NEBL: variants seen among roughly 807,000 people sequenced by gnomAD.
NEBL encodes nebulette, also known as LIM and SH3 protein 2.
In NEBL, 122 loss-of-function variants were observed where a neutral mutation model predicts 140.2. The observed-to-expected ratio is 0.87, with a 90% CI of 0.75 to 1.01. The LOEUF (loss-of-function observed/expected upper bound fraction) is 1.01. Among genes scored for constraint, NEBL ranks in the 50% least tolerant of loss-of-function variants. The pLI is 0.00. For missense variants in NEBL, 1,365 were observed against 1,231.3 expected (o/e 1.11, Z -1.62); for synonymous variants, 436 against 398.9 (o/e 1.09, Z -1.11).
intron 2 of NEBL, among the ~76,000 whole-genome samples, chr10:21,115,276 GT>G: frequency 6.6e-6 from 1 of 151,782 alleles, no homozygotes; most frequent in Non-Finnish European, 1.5e-5. Flanking sequence ...ACAGTTAATT[GT>G]TTTTTAAAGA....
intron 3 of NEBL, among the ~76,000 whole-genome samples, chr10:21,011,660 A>C (rs1025953154): frequency 7.2e-6 from 1 of 138,108 alleles, no homozygotes; most frequent in Non-Finnish European, 1.5e-5. Flanking sequence ...ATCTGTTGGC[A>C]TCTGTGGCAT....
chr10:20,822,676 A>G (rs911657559), intron 19 of NEBL, among the ~76,000 whole-genome samples: 1 of 91,372 alleles, frequency 1.1e-5, no homozygotes, highest in South Asian at 5.0e-4. Context: ...TAGAGACTAT[A>G]GATATATAGA....
chr10:20,885,477 T>G (rs1006226265), intron 4 of NEBL, among the ~76,000 whole-genome samples: 2 of 152,250 alleles, frequency 1.3e-5, no homozygotes. Context: ...TCTATTTCAG[T>G]ATAGGATAAC....
At chr10:21,044,413 A>AAT (rs1834414687) in intron 2 of NEBL, among the ~76,000 whole-genome samples, 8 of 148,042 alleles carry the variant, frequency 5.4e-5, no homozygotes, top group Non-Finnish European at 1.2e-4. Context: ...AAAAAAAAAA[A>AAT]AAAAAAAAAA....
At chr10:21,097,217 T>G (rs1471289186) in intron 2 of NEBL, among the ~76,000 whole-genome samples, 2 of 6,062 alleles carry the variant, frequency 3.3e-4, no homozygotes, top group African/African-American at 5.3e-4. Flanking sequence ...CTTTGGGAGG[T>G]CCGGGGGGGG....
At chr10:20,805,630 A>G (rs1330522011) in intron 26 of NEBL, among the ~76,000 whole-genome samples, 1 of 152,100 alleles carries the variant, frequency 6.6e-6, no homozygotes, top group Non-Finnish European at 1.5e-5. Flanking sequence ...AGGCAAGTGG[A>G]GCACTTGAGA....
intron 22 of NEBL, 31 bp from the exon 23 acceptor site, chr10:20,814,074 G>A (rs756048208): frequency 7.5e-6 from 10 of 1,325,408 alleles, no homozygotes; most frequent in Non-Finnish European, 1.1e-5. Flanking sequence ...ATAAGACAAT[G>A]ATAAGAAAAC....
At chr10:20,864,585 C>A (rs1239699856) in intron 7 of NEBL, among the ~76,000 whole-genome samples, 1 of 152,170 alleles carries the variant, frequency 6.6e-6, no homozygotes, top group Non-Finnish European at 1.5e-5. Context: ...ATTGCCTTGT[C>A]ATTGCCTTCT....
At chr10:21,288,934 TG>T (rs1295632996) in intron 1 of NEBL, among the ~76,000 whole-genome samples, 217 of 142,692 alleles carry the variant, frequency 1.5e-3, no homozygotes, top group Admixed American at 3.1e-3. Context: ...CTACAACCTC[TG>T]CCTCCCGGGT....
intron 23 of NEBL, 28 bp from the exon 24 acceptor site, chr10:20,812,968 A>G (rs1450403563): frequency 6.3e-7 from 1 of 1,593,770 alleles, no homozygotes. Context: ...ATCATACTGA[A>G]TTTTGCGGAT....
At chr10:21,197,958 C>G (rs537340201) in intron 3 of NEBL, among the ~76,000 whole-genome samples, 30 of 152,202 alleles carry the variant, frequency 2.0e-4, no homozygotes, top group Admixed American at 1.7e-3. Flanking sequence ...CCCAACTCCT[C>G]CAGGAGATGG....
Position 20,897,255 on chromosome 10 carries a change from C to G in NEBL, c.-50G>C. On this transcript the variant is annotated 5_prime_UTR_variant, in exon 1 of 28. Transcript: ENST00000377122. ...TTTTAAAATTTACTCATGTGGCGTC[C>G]TTTTCCATACCACAGTGCCCTTGAG... 1 of 1,530,906 alleles carries G rather than the reference C, an allele frequency of 6.5e-7. No individual in the cohort carries two copies. 94.8% of individuals were successfully genotyped at this position (1,530,906 alleles called of 1,614,324 possible). A position where few individuals can be genotyped will look rare whatever the true frequency, so the allele number is the denominator to read the frequency against.
chr10:21,169,257 G>A (rs4025861), intron 2 of NEBL, among the ~76,000 whole-genome samples: 17 of 150,724 alleles, frequency 1.1e-4, no homozygotes, highest in Non-Finnish European at 2.2e-4. Flanking sequence ...AAAAGTGACA[G>A]GGGAAGACGA....
In NEBL at chr10:20,785,592, C is replaced by A. The variant is rs778671074; in HGVS notation, c.*155G>T. The A allele has an allele frequency of 3.8e-4, 330 of 875,030 alleles. 2 individuals are homozygous for A. The highest frequency in any genetic ancestry group is 4.4e-4 in the Non-Finnish European group (246 of 557,118). The allele number at this position is 875,030 out of a possible 1,614,324, so 54.2% of individuals were successfully genotyped here. On this transcript the variant is annotated 3_prime_UTR_variant, in exon 28 of 28. Coordinates refer to ENST00000377122, the MANE Select transcript of NEBL (RefSeq NM_006393.3). ...ATGCTGCTGTTTTCAGCCCAGAGGT[C>A]ATTCCTTCTTCCTGGTACCTGTGTG...
At chr10:20,866,518 C>G (rs1440519975) in intron 7 of NEBL, among the ~76,000 whole-genome samples, 1 of 152,156 alleles carries the variant, frequency 6.6e-6, no homozygotes, top group Non-Finnish European at 1.5e-5. Context: ...TATCTAAACT[C>G]TTCTCAAAAT....
intron 1 of NEBL, among the ~76,000 whole-genome samples, chr10:21,252,561 G>A (rs772068279): frequency 1.3e-5 from 2 of 152,054 alleles, no homozygotes; most frequent in Non-Finnish European, 1.5e-5. Flanking sequence ...AAGATACCAC[G>A]TTTTTAAAAT....
intron 26 of NEBL, among the ~76,000 whole-genome samples, chr10:20,796,058 A>G (rs920750390): frequency 6.6e-6 from 1 of 152,160 alleles, no homozygotes; most frequent in East Asian, 1.9e-4. Context: ...TATTTGACTT[A>G]GTTGTCTCAA....
At chr10:20,790,336 G>T (rs1054469566) in intron 26 of NEBL, among the ~76,000 whole-genome samples, 1 of 151,690 alleles carries the variant, frequency 6.6e-6, no homozygotes, top group Admixed American at 6.6e-5. Flanking sequence ...TAACTGATGG[G>T]TCACACCTGT....
intron 2 of NEBL, among the ~76,000 whole-genome samples, chr10:21,068,946 TG>T (rs1835692148): frequency 6.6e-6 from 1 of 152,174 alleles, no homozygotes; most frequent in Non-Finnish European, 1.5e-5. Context: ...AGTGTACAAG[TG>T]GCAAGATCAC....
Sources: gnomAD v4.1 joint callset for allele counts (sites outside exome capture counted in the v4.1 genomes callset) on GRCh38, gnomAD v4.1.1 for gene constraint, MANE v1.5 for transcripts, NCBI Gene and HGNC (gene_info 2026-07-23, HGNC 2026-07-21) for gene names.